The following MSRA variants were observed in gnomAD, a reference collection of about 807,000 sequenced individuals.
The protein encoded by MSRA is mitochondrial peptide methionine sulfoxide reductase.
In MSRA, 54 loss-of-function variants were observed where a neutral mutation model predicts 31.3. The observed-to-expected ratio is 1.73, with a 90% confidence interval of 1.39 to 2.17. The LOEUF is 2.17. Ranked by LOEUF, MSRA falls within the 30% of genes most tolerant of loss-of-function variation. The probability of loss-of-function intolerance (pLI) is 0.00; values close to 1 mark genes in which losing one functional copy is unlikely to be tolerated. For synonymous variants in MSRA, 169 were observed against 116.5 expected, an observed-to-expected ratio of 1.45 and a Z score of -2.90; for missense variants, 507 against 300.9, an observed-to-expected ratio of 1.69 and a Z score of -5.07.
At chr8:10,169,905 TTTTC>T (rs1391104395) in intron 1 of MSRA, among the ~76,000 whole-genome samples, 1 of 144,888 alleles carries the variant, frequency 6.9e-6, no homozygotes, top group Non-Finnish European at 1.5e-5. Flanking sequence ...TTCCTTGGTA[TTTTC>T]TTTCTTTCTT....
chr8:10,391,334 A>C (rs567288911), intron 5 of MSRA, among the ~76,000 whole-genome samples: 1 of 152,190 alleles, frequency 6.6e-6, no homozygotes, highest in African/African-American at 2.4e-5. Context: ...AACTTAAGTC[A>C]GAGTTTCTTC....
chr8:10,351,849 A>G (rs1163668418), intron 5 of MSRA, among the ~76,000 whole-genome samples: 2 of 152,174 alleles, frequency 1.3e-5, no homozygotes, highest in African/African-American at 4.8e-5. Flanking sequence ...TGCTTTTCCT[A>G]ATAAACTCCC....
At chr8:10,224,357 T>A (rs1157319614) in intron 2 of MSRA, among the ~76,000 whole-genome samples, 1 of 152,134 alleles carries the variant, frequency 6.6e-6, no homozygotes, top group Non-Finnish European at 1.5e-5. Flanking sequence ...GAGACAAGAT[T>A]TGAAGAAACC....
intron 4 of MSRA, among the ~76,000 whole-genome samples, chr8:10,318,352 T>G (rs1376678998): frequency 3.3e-5 from 5 of 152,098 alleles, no homozygotes; most frequent in Admixed American, 6.5e-5. Context: ...CACAGGGAAG[T>G]ACAGTGTCAG....
intron 5 of MSRA, among the ~76,000 whole-genome samples, chr8:10,347,625 C>G (rs548158246): frequency 9.8e-5 from 15 of 152,310 alleles, no homozygotes; most frequent in Admixed American, 6.5e-4. Context: ...CGAATCCATC[C>G]TCCACGCCAT....
At chr8:10,104,749 T>G (rs139428744) in intron 1 of MSRA, among the ~76,000 whole-genome samples, 21 of 152,304 alleles carry the variant, frequency 1.4e-4, no homozygotes, top group Non-Finnish European at 2.8e-4. Flanking sequence ...ACGGATATAA[T>G]GAGGCATGTC....
chr8:10,109,222 C>G (rs1800105085), intron 1 of MSRA, among the ~76,000 whole-genome samples: 1 of 152,178 alleles, frequency 6.6e-6, no homozygotes, highest in Non-Finnish European at 1.5e-5. Context: ...ACATCATATG[C>G]TAAATCTGTT....
At chr8:10,419,433 T>G (rs1343715934) in intron 5 of MSRA, among the ~76,000 whole-genome samples, 1 of 152,140 alleles carries the variant, frequency 6.6e-6, no homozygotes, top group East Asian at 1.9e-4. Flanking sequence ...GTAAGGTCTG[T>G]GAATTTAAGT....
chr8:10,197,068 G>C (rs140171726), intron 1 of MSRA, among the ~76,000 whole-genome samples: 1 of 152,226 alleles, frequency 6.6e-6, no homozygotes, highest in Admixed American at 6.5e-5. Context: ...TTATTCACAA[G>C]GGTGTCACAG....
chr8:10,118,072 G>A (rs759748383), intron 1 of MSRA, among the ~76,000 whole-genome samples: 1 of 152,200 alleles, frequency 6.6e-6, no homozygotes, highest in Non-Finnish European at 1.5e-5. Flanking sequence ...AGGTTTTGGC[G>A]ATTTTCTTTT....
intron 3 of MSRA, among the ~76,000 whole-genome samples, chr8:10,258,445 G>A (rs546788084): frequency 2.6e-5 from 4 of 152,152 alleles, no homozygotes; most frequent in Non-Finnish European, 5.9e-5. Flanking sequence ...TGAGGGTAGG[G>A]ACTATGTCTT....
At chr8:10,201,668 A>T (rs914567950) in intron 1 of MSRA, among the ~76,000 whole-genome samples, 1 of 152,262 alleles carries the variant, frequency 6.6e-6, no homozygotes, top group African/African-American at 2.4e-5. Context: ...AGACATTCAC[A>T]AAACAAAATA....
intron 2 of MSRA, among the ~76,000 whole-genome samples, chr8:10,217,736 G>C (rs1380348300): frequency 9.9e-5 from 15 of 152,022 alleles, no homozygotes. Flanking sequence ...ATCTCTAAAA[G>C]ATAAGATGGA....
At chr8:10,173,837 T>C (rs921261136) in intron 1 of MSRA, among the ~76,000 whole-genome samples, 2 of 152,172 alleles carry the variant, frequency 1.3e-5, no homozygotes, top group African/African-American at 4.8e-5. Flanking sequence ...ACATTAACAT[T>C]TAATTCACAC....
At chr8:10,092,611 T>C (rs1798912968) in intron 1 of MSRA, among the ~76,000 whole-genome samples, 1 of 151,864 alleles carries the variant, frequency 6.6e-6, no homozygotes, top group Non-Finnish European at 1.5e-5. Context: ...TGAGGTGAGA[T>C]TGTGCCTGGT....
chr8:10,244,290 G>A (rs1262067610), intron 2 of MSRA, among the ~76,000 whole-genome samples: 1 of 152,204 alleles, frequency 6.6e-6, no homozygotes, highest in Non-Finnish European at 1.5e-5. Flanking sequence ...ACAAAATGAA[G>A]GTTCTGTATT....
chr8:10,198,873 G>A (rs1423714509), intron 1 of MSRA, among the ~76,000 whole-genome samples: 2 of 152,172 alleles, frequency 1.3e-5, no homozygotes, highest in Non-Finnish European at 2.9e-5. Context: ...CCTATTGTCA[G>A]ACTGCTTTCC....
chr8:10,161,700 G>C (rs1325023660), intron 1 of MSRA, among the ~76,000 whole-genome samples: 1 of 152,030 alleles, frequency 6.6e-6, no homozygotes, highest in Non-Finnish European at 1.5e-5. Context: ...CTGCATCTGG[G>C]GTCAGAGCTG....
intron 1 of MSRA, among the ~76,000 whole-genome samples, chr8:10,154,861 T>TA (rs1229453576): frequency 6.6e-6 from 1 of 151,880 alleles, no homozygotes; most frequent in Non-Finnish European, 1.5e-5. Flanking sequence ...TCTATTGTTT[T>TA]AATGGAAAAA....
Sources: allele counts gnomAD v4.1 joint callset (sites outside exome capture counted in the v4.1 genomes callset), GRCh38; gene constraint gnomAD v4.1.1; transcripts MANE v1.5; gene names NCBI Gene and HGNC (gene_info 2026-07-23, HGNC 2026-07-21).